Variants in ZNF532 observed in about 807,000 individuals in gnomAD.
ZNF532 encodes the protein zinc finger protein 532.
Under a neutral mutation model 89.3 loss-of-function variants are expected in ZNF532, and 22 were observed. That is an observed-to-expected ratio of 0.25 (90% CI 0.18 to 0.35). ZNF532 has a LOEUF of 0.35. Among genes scored for constraint, ZNF532 ranks in the 10% least tolerant of loss-of-function variants. The pLI is 1.00. For missense variants in ZNF532, 1,132 were observed against 1,643.4 expected (o/e 0.69, Z 5.38); for synonymous variants, 606 against 649.6 (o/e 0.93, Z 1.02).
At chr18:58,892,039 T>C (rs1409951660) in intron 2 of ZNF532, among the ~76,000 whole-genome samples, 2 of 152,164 alleles carry the variant, frequency 1.3e-5, no homozygotes, top group African/African-American at 2.4e-5. Context: ...ATGGATAGAG[T>C]GACAGAAGGT....
At chr18:58,982,001 C>CA (rs60019659) in intron 9 of ZNF532, among the ~76,000 whole-genome samples, 5,260 of 83,232 alleles carry the variant, frequency 0.063, 268 homozygotes, top group African/African-American at 0.14. Context: ...GAGACTCTCC[C>CA]AAAAAAAAAA....
At position 58,918,310 on chromosome 18, in the gene ZNF532, C is replaced by T; in HGVS notation, c.23C>T (p.Thr8Ile). 1 of 1,613,902 alleles carries T rather than the reference C, an allele frequency of 6.2e-7. No homozygotes were observed. Among genetic ancestry groups the T allele is most frequent in the Non-Finnish European group, 8.5e-7 (1 of 1,179,912 alleles). Residue 8 changes from threonine (T) to isoleucine (I), a missense_variant, in exon 3 of 10, where the codon ACC becomes ATC. Coordinates refer to ENST00000591808, the MANE Select transcript of ZNF532 (RefSeq NM_001375912.1). Reference protein sequence around the residue: MTMGDMKTPDFDDLLAAF... With the variant: MTMGDMKIPDFDDLLAAF... ...TTAATGACCATGGGGGATATGAAGACCCCAGACTTTGATGACCTCCTGGCA... is the reference window on the plus strand; with the variant it reads ...TTAATGACCATGGGGGATATGAAGATCCCAGACTTTGATGACCTCCTGGCA...
chr18:58,919,299 A>G lies in ZNF532; in HGVS notation c.1012A>G (p.Ile338Val). The G allele has an allele frequency of 6.2e-7, 1 of 1,614,194 alleles. No individual in the cohort carries two copies. The highest frequency in any genetic ancestry group is 8.5e-7 in the Non-Finnish European group (1 of 1,180,026). ...SLKQPDSPRSISSENSSKGSP... is the reference protein window; with the variant it reads ...SLKQPDSPRSVSSENSSKGSP... ...GAAGCAACCGGATAGTCCCAGAAGCATCTCAAGTGAGAACAGCAGCAAAGG... is the reference window on the plus strand; with the variant it reads ...GAAGCAACCGGATAGTCCCAGAAGCGTCTCAAGTGAGAACAGCAGCAAAGG... Residue 338 changes from isoleucine to valine, a missense_variant, in exon 3 of 10, where the codon ATC becomes GTC. Ile to Val is a conservative substitution (Grantham distance 29, BLOSUM62 3). Transcript: ENST00000591808. The surrounding 1 kb of genome is among the most constrained non-coding windows in gnomAD (Gnocchi z 6.1).
chr18:58,910,847 C>T (rs976951503), intron 2 of ZNF532, among the ~76,000 whole-genome samples: 26 of 151,880 alleles, frequency 1.7e-4, no homozygotes, highest in Non-Finnish European at 3.4e-4. Context: ...AGAACTATTC[C>T]ATGAGCCCTA....
intron 2 of ZNF532, among the ~76,000 whole-genome samples, chr18:58,875,240 G>T (rs1328974699): frequency 4.6e-5 from 7 of 151,664 alleles, no homozygotes; most frequent in Non-Finnish European, 8.8e-5. Context: ...CAAACTTCTG[G>T]ACTCAAGTGA....
chr18:58,884,440 G>A (rs1291992868), intron 2 of ZNF532, among the ~76,000 whole-genome samples: 1 of 152,142 alleles, frequency 6.6e-6, no homozygotes, highest in Non-Finnish European at 1.5e-5. Flanking sequence ...CTGATAGTTC[G>A]GAGCATTTCA....
intron 7 of ZNF532, among the ~76,000 whole-genome samples, chr18:58,971,399 AG>A (rs1164822775): frequency 6.6e-6 from 1 of 152,250 alleles, no homozygotes; most frequent in Admixed American, 6.5e-5. Context: ...AATGTGAAAC[AG>A]TGGTCTCAAT....
chr18:58,959,253 G>GTTTTTTT lies in ZNF532; in HGVS notation c.3150+5460_3150+5461insTTTTTTT, dbSNP rs201150500. On this transcript the variant is annotated intron_variant, in intron 7 of 9. Coordinates refer to ENST00000591808, the MANE Select transcript of ZNF532 (RefSeq NM_001375912.1). Reference sequence around the variant, plus strand: ...GAACCTTAGATCTTTTCAGTTTTTTGTTTTTTGTTTTTTTTTGTTTTTTTT... The same window carrying GTTTTTTT: ...GAACCTTAGATCTTTTCAGTTTTTTGTTTTTTTTTTTTTGTTTTTTTTTGTTTTTTTT... Among the ~76,000 whole-genome samples, 32 of 121,662 alleles carry GTTTTTTT rather than the reference G, an allele frequency of 2.6e-4. 1 individual carries two copies. The highest frequency in any genetic ancestry group is 2.5e-3 in the East Asian group (8 of 3,200). The allele number at this position is 121,662 out of a possible 152,430, so 79.8% of individuals were successfully genotyped here. A position where few individuals can be genotyped will look rare whatever the true frequency, so the allele number is the denominator to read the frequency against.
chr18:58,864,024 C>T (rs530638137), upstream of ZNF532: 4 of 152,282 alleles, frequency 2.6e-5, no homozygotes, highest in Admixed American at 2.6e-4. Context: ...GGCTAGGCCC[C>T]GCAGGTTACG....
intron 2 of ZNF532, among the ~76,000 whole-genome samples, chr18:58,882,812 T>G (rs2058028317): frequency 6.6e-6 from 1 of 152,200 alleles, no homozygotes; most frequent in Non-Finnish European, 1.5e-5. Flanking sequence ...CCTGAAAGAT[T>G]CCAGCATCAG....
intron 7 of ZNF532, among the ~76,000 whole-genome samples, chr18:58,969,633 G>A (rs2066264895): frequency 6.6e-6 from 1 of 152,162 alleles, no homozygotes; most frequent in African/African-American, 2.4e-5. Context: ...TATATGATGT[G>A]GGGCTGGGAC....
intron 7 of ZNF532, among the ~76,000 whole-genome samples, chr18:58,964,867 A>T (rs1217326530): frequency 6.6e-6 from 1 of 151,642 alleles, no homozygotes; most frequent in Non-Finnish European, 1.5e-5. Flanking sequence ...TTGGCCTCCC[A>T]AAGTGCCAGG....
At chr18:58,977,150 G>A (rs2067154282) in intron 7 of ZNF532, among the ~76,000 whole-genome samples, 1 of 152,142 alleles carries the variant, frequency 6.6e-6, no homozygotes, top group Non-Finnish European at 1.5e-5. Context: ...CTTTGCCCTT[G>A]TTTGGATTCA....
At chr18:58,968,082 T>C (rs1000108272) in intron 7 of ZNF532, among the ~76,000 whole-genome samples, 1 of 152,194 alleles carries the variant, frequency 6.6e-6, no homozygotes, top group African/African-American at 2.4e-5. Context: ...TTACAGACAC[T>C]TAAGACATTT....
upstream of ZNF532, chr18:58,863,991 G>C (rs1020641147): frequency 6.6e-6 from 1 of 151,808 alleles, no homozygotes; most frequent in African/African-American, 2.4e-5. Context: ...AGCTGGCTTG[G>C]GGGGCCGAGG....
rs1157821510 is a variant in ZNF532, at chr18:58,985,209, G to A, written c.*743G>A. On this transcript the variant is annotated 3_prime_UTR_variant, in exon 10 of 10. Coordinates refer to ENST00000591808, the MANE Select transcript of ZNF532 (RefSeq NM_001375912.1). ...TATTCTAAAGAAAAAAATGGGATTT[G>A]TTTTCTCGGCAGATCTGCAAGGCTG... is the stretch of plus-strand genomic sequence containing the variant. 6.6e-6 allele frequency: 1 copy of A among 152,202 alleles called. No individual in the cohort carries two copies. The highest frequency in any genetic ancestry group is 1.5e-5 in the Non-Finnish European group (1 of 68,026). 9.4% of individuals were successfully genotyped at this position (152,202 alleles called of 1,614,324 possible). A position where few individuals can be genotyped will look rare whatever the true frequency, so the allele number is the denominator to read the frequency against.
At chr18:58,896,936 G>A (rs1459945659) in intron 2 of ZNF532, among the ~76,000 whole-genome samples, 1 of 152,210 alleles carries the variant, frequency 6.6e-6, no homozygotes, top group Admixed American at 6.5e-5. Flanking sequence ...TTTGAAAGCA[G>A]GCAGCCCAGC....
intron 5 of ZNF532, among the ~76,000 whole-genome samples, chr18:58,941,626 G>A (rs1603250736): frequency 6.6e-6 from 1 of 151,732 alleles, no homozygotes; most frequent in East Asian, 1.9e-4. Flanking sequence ...ATACCACCAC[G>A]CCTGGCTGAT....
chr18:58,866,708 A>C (rs1026419798), intron 2 of ZNF532, among the ~76,000 whole-genome samples: 5 of 152,218 alleles, frequency 3.3e-5, no homozygotes, highest in African/African-American at 1.2e-4. Flanking sequence ...GTTGGTGGGC[A>C]GGATATCTGC....
Sources: gnomAD v4.1 joint callset for allele counts (sites outside exome capture counted in the v4.1 genomes callset) on GRCh38, gnomAD v4.1.1 for gene constraint, Gnocchi (gnomAD v3.1) non-coding constraint, MANE v1.5 for transcripts, NCBI Gene and HGNC (gene_info 2026-07-23, HGNC 2026-07-21) for gene names.